Variants in DPP6 observed in about 807,000 individuals in gnomAD.
The protein encoded by DPP6 is dipeptidyl peptidase like 6.
In DPP6, 69 loss-of-function variants were observed where a neutral mutation model predicts 122.6. The observed-to-expected ratio is 0.56, with a 90% confidence interval of 0.46 to 0.69. The LOEUF (loss-of-function observed/expected upper bound fraction) is 0.69, where lower values mean the gene tolerates loss of function less well. DPP6 is among the 30% of genes least tolerant of loss of function. DPP6 has a pLI of 0.00. For missense variants in DPP6, 928 were observed against 1,116.9 expected (o/e 0.83, Z 2.41); for synonymous variants, 418 against 433.1 (o/e 0.97, Z 0.43).
At chr7:154,334,644 C>A (rs927598471) in intron 1 of DPP6, among the ~76,000 whole-genome samples, 2 of 152,212 alleles carry the variant, frequency 1.3e-5, no homozygotes, top group Admixed American at 6.5e-5. Flanking sequence ...CGCCTGTAAT[C>A]CCAGCACTTT....
intron 7 of DPP6, among the ~76,000 whole-genome samples, chr7:154,681,966 C>T (rs1009384256): frequency 8.5e-5 from 13 of 152,222 alleles, no homozygotes; most frequent in Admixed American, 7.8e-4. Flanking sequence ...TTCCACAGCC[C>T]GTTGCTCAGC....
chr7:153,825,998 A>T, the DPP6 span, among the ~76,000 whole-genome samples: 2 of 152,216 alleles, frequency 1.3e-5, no homozygotes, highest in Non-Finnish European at 2.9e-5. Context: ...ATTGTTAAGC[A>T]TGCTTGCCTG....
intron 1 of DPP6, among the ~76,000 whole-genome samples, chr7:154,390,573 G>T (rs1258303804): frequency 6.6e-6 from 1 of 152,178 alleles, no homozygotes. Context: ...TAAGACATGG[G>T]TAAGAAGCAA....
Position 154,863,828 on chromosome 7 carries a change from CAGAGA to C in DPP6, c.1715-4165_1715-4161del, listed in dbSNP as rs1209194092. ...TGTCTCAAAAAACAAAAATGGAGCT[CAGAGA>C]AAAGAGATTTCCAGTTAAGGTGAGT... On this transcript the variant is annotated intron_variant, in intron 17 of 25. Transcript: ENST00000377770. The surrounding 1 kb of genome is among the most constrained non-coding windows in gnomAD (Gnocchi z 4.1). 6.6e-6 allele frequency among the ~76,000 whole-genome samples: 1 copy of C among 152,008 alleles called. No individual in the cohort carries two copies. The highest frequency in any genetic ancestry group is 2.4e-5 in the African/African-American group (1 of 41,384).
At chr7:154,017,206 C>T (rs561059469) in intron 1 of DPP6, among the ~76,000 whole-genome samples, 2 of 152,194 alleles carry the variant, frequency 1.3e-5, no homozygotes, top group East Asian at 3.9e-4. Context: ...TAACTGGGAC[C>T]ACAGCATGTG....
At chr7:154,220,636 T>C (rs1462619150) in intron 1 of DPP6, among the ~76,000 whole-genome samples, 1 of 152,116 alleles carries the variant, frequency 6.6e-6, no homozygotes, top group East Asian at 1.9e-4. Context: ...AGATGCCACA[T>C]CTCGTAAGAC....
chr7:153,945,221 G>C (rs1801894867), intron 1 of DPP6, among the ~76,000 whole-genome samples: 1 of 152,198 alleles, frequency 6.6e-6, no homozygotes, highest in Non-Finnish European at 1.5e-5. Context: ...CTGTTTACTT[G>C]TTGATTGTGC....
chr7:154,561,248 T>A (rs1006726299), intron 4 of DPP6, among the ~76,000 whole-genome samples: 2 of 152,166 alleles, frequency 1.3e-5, no homozygotes, highest in African/African-American at 4.8e-5. Context: ...ATTAACCAAG[T>A]CAACCGAATT....
In DPP6 at chr7:154,665,752, G is replaced by T. The variant is rs565090243; in HGVS notation, c.681-3608G>T. ...TGGACACACACATATCTATATTTTGGATCTATCTGTGTACATAGAGATTAA... is the reference window on the plus strand; with the variant it reads ...TGGACACACACATATCTATATTTTGTATCTATCTGTGTACATAGAGATTAA... On this transcript the variant is annotated intron_variant, in intron 6 of 25. Coordinates refer to ENST00000377770, the MANE Select transcript of DPP6 (RefSeq NM_130797.4). 2.6e-5 allele frequency among the ~76,000 whole-genome samples: 4 copies of T among 151,896 alleles called. No individual in the cohort carries two copies. The East Asian group carries it at 7.7e-4, about 29-fold the overall frequency.
At chr7:154,654,381 G>A (rs1330505179) in intron 6 of DPP6, among the ~76,000 whole-genome samples, 2 of 44,274 alleles carry the variant, frequency 4.5e-5, no homozygotes, top group East Asian at 1.7e-3. Context: ...GAGCATCTCT[G>A]CCTGAAAACA....
chr7:153,933,569 T>C (rs1405423990), intron 1 of DPP6, among the ~76,000 whole-genome samples: 2 of 152,214 alleles, frequency 1.3e-5, no homozygotes, highest in African/African-American at 4.8e-5. Flanking sequence ...GGCTCTTTAA[T>C]AGGCATAGAG....
chr7:154,383,258 C>T (rs1472149817), intron 1 of DPP6, among the ~76,000 whole-genome samples: 1 of 152,164 alleles, frequency 6.6e-6, no homozygotes, highest in African/African-American at 2.4e-5. Flanking sequence ...CTTGGAATTC[C>T]TATAGTATTT....
chr7:153,858,999 G>A, the DPP6 span, among the ~76,000 whole-genome samples: 1 of 152,168 alleles, frequency 6.6e-6, no homozygotes, highest in African/African-American at 2.4e-5. Context: ...TGGCTATAGA[G>A]CATATGTCTT....
At chr7:154,431,534 C>CTTTT (rs67861044) in intron 1 of DPP6, among the ~76,000 whole-genome samples, 8 of 98,872 alleles carry the variant, frequency 8.1e-5, no homozygotes, top group Non-Finnish European at 1.2e-4. Context: ...TTCTTTCTTT[C>CTTTT]TTTTTTTTTT....
chr7:153,913,836 G>T (rs1315399060), intron 1 of DPP6, among the ~76,000 whole-genome samples: 2 of 152,172 alleles, frequency 1.3e-5, no homozygotes, highest in Non-Finnish European at 2.9e-5. Flanking sequence ...AAGAGGGCTT[G>T]GCTGGTGCTG....
intron 1 of DPP6, among the ~76,000 whole-genome samples, chr7:153,909,666 T>G (rs1343286661): frequency 2.6e-5 from 4 of 152,178 alleles, no homozygotes; most frequent in African/African-American, 9.6e-5. Flanking sequence ...CAGTTCCCAC[T>G]TAAGTCTCTG....
chr7:153,828,088 G>C, the DPP6 span, among the ~76,000 whole-genome samples: 1 of 152,128 alleles, frequency 6.6e-6, no homozygotes, highest in South Asian at 2.1e-4. Flanking sequence ...CCCCACAGCA[G>C]CAAGAAGCCC....
chr7:154,872,427 A>G (rs1287670728), intron 18 of DPP6, among the ~76,000 whole-genome samples, 197 bp from the exon 19 acceptor site: 1 of 152,250 alleles, frequency 6.6e-6, no homozygotes, highest in Non-Finnish European at 1.5e-5. Flanking sequence ...GAAGCTTCAC[A>G]CAGGTCGGGT....
At chr7:153,967,295 A>T (rs1448287029) in intron 1 of DPP6, among the ~76,000 whole-genome samples, 5 of 152,098 alleles carry the variant, frequency 3.3e-5, no homozygotes, top group African/African-American at 1.2e-4. Flanking sequence ...CCCATCCCTG[A>T]TAAGCTCAGC....
Sources: allele counts gnomAD v4.1 joint callset (sites outside exome capture counted in the v4.1 genomes callset), GRCh38; gene constraint gnomAD v4.1.1; non-coding constraint Gnocchi (gnomAD v3.1); transcripts MANE v1.5; gene names NCBI Gene and HGNC (gene_info 2026-07-23, HGNC 2026-07-21).